Variants in SUGP1 observed in about 807,000 individuals in gnomAD.
SUGP1 encodes the protein SURP and G-patch domain containing 1.
Under a neutral mutation model 76.5 loss-of-function variants are expected in SUGP1, and 34 were observed. The observed-to-expected ratio is 0.44, with a 90% CI of 0.34 to 0.59. The LOEUF is 0.59. Among genes scored for constraint, SUGP1 ranks in the 20% least tolerant of loss-of-function variants. The probability of loss-of-function intolerance (pLI) is 0.01; values close to 1 mark genes in which losing one functional copy is unlikely to be tolerated. For synonymous variants in SUGP1, 326 were observed against 326.2 expected (o/e 1.00, Z 0.01); for missense variants, 752 against 851.7 (o/e 0.88, Z 1.46).
chr19:19,318,307 A>G (rs2061410364), intron 1 of SUGP1, among the ~76,000 whole-genome samples: 1 of 145,938 alleles, frequency 6.9e-6, no homozygotes, highest in Non-Finnish European at 1.5e-5. Flanking sequence ...TTTAGTAGAG[A>G]TGGGGCTTCA....
intron 8 of SUGP1, among the ~76,000 whole-genome samples, chr19:19,291,174 C>T (rs2061180468): frequency 6.6e-6 from 1 of 152,062 alleles, no homozygotes; most frequent in Non-Finnish European, 1.5e-5. Flanking sequence ...ATAACCTAAG[C>T]GTACACCTTA....
At chr19:19,298,212 C>CAG (rs10665929) in intron 7 of SUGP1, among the ~76,000 whole-genome samples, 63,736 of 152,012 alleles carry the variant, frequency 0.42, 14,803 homozygotes, top group African/African-American at 0.62. Flanking sequence ...CTTTGTGTTA[C>CAG]AGAGGCCGGG....
chr19:19,305,735 G>T, intron 4 of SUGP1, 114 bp downstream of exon 4: 2 of 1,064,974 alleles, frequency 1.9e-6, no homozygotes, highest in Non-Finnish European at 2.7e-6. Flanking sequence ...TCTGGTGGCT[G>T]CAACTCAGCC....
At position 19,302,342 on chromosome 19, in the gene SUGP1, C is replaced by A; in HGVS notation, c.810G>T (p.Leu270Phe). The A allele has an allele frequency of 6.2e-7, 1 of 1,614,152 alleles. No homozygotes were observed. The highest frequency in any genetic ancestry group is 8.5e-7 in the Non-Finnish European group (1 of 1,180,018). The change falls in exon 7 of 14, where the codon TTG becomes TTT. Residue 270 changes from leucine (L) to phenylalanine (F), a missense_variant. By Grantham distance (22) the Leu-to-Phe change is conservative. Coordinates refer to ENST00000247001, the MANE Select transcript of SUGP1 (RefSeq NM_172231.4). ...GACCCCCGTCCGCTATGAACCTGGCCAACTTTTCTGCAAGGTTCTTGACCT... is the reference window on the plus strand; with the variant it reads ...GACCCCCGTCCGCTATGAACCTGGCAAACTTTTCTGCAAGGTTCTTGACCT... ...DEEVKNLAEKLARFIADGGPE... is the reference protein window; with the variant it reads ...DEEVKNLAEKFARFIADGGPE...
intron 8 of SUGP1, among the ~76,000 whole-genome samples, chr19:19,282,904 C>T (rs948317164): frequency 1.1e-4 from 17 of 151,804 alleles, no homozygotes; most frequent in East Asian, 2.0e-4. Context: ...GGTGAAACCC[C>T]GTCTCTACTA....
intron 1 of SUGP1, among the ~76,000 whole-genome samples, chr19:19,318,208 C>G (rs1016069823): frequency 6.7e-6 from 1 of 149,246 alleles, no homozygotes; most frequent in African/African-American, 2.5e-5. Context: ...ATCTCCACCT[C>G]CAGAGTTCCA....
chr19:19,313,945 C>CCTGG (rs1184745384), intron 2 of SUGP1, among the ~76,000 whole-genome samples: 6 of 152,070 alleles, frequency 3.9e-5, no homozygotes, highest in Admixed American at 3.3e-4. Flanking sequence ...TAAAGACCAG[C>CCTGG]CTGGCCAACA....
rs549763712 is a variant in SUGP1, at chr19:19,297,238, G to A, written c.994C>T (p.Pro332Ser). The A allele has an allele frequency of 6.3e-7, 1 of 1,593,490 alleles. No individual in the cohort carries two copies. The highest frequency in any genetic ancestry group is 1.7e-5 in the Admixed American group (1 of 58,560). ...GGAGGGGACTTGCGCTTCAGGCCGG[G>A]ATCAGGTGCTGTGAAGCTGCCTGTG... is the stretch of plus-strand genomic sequence containing the variant. ...SSTGSFTAPD[P>S]GLKRKSPPEA... Residue 332 changes from proline to serine, a missense_variant, in exon 8 of 14, where the codon CCC (proline) becomes TCC (serine). Around this residue, in one of 2 missense-constraint regions of SUGP1, gnomAD observed 620 missense variants for 617.3 expected, o/e 1.00. Coordinates refer to ENST00000247001, the MANE Select transcript of SUGP1 (RefSeq NM_172231.4).
At chr19:19,306,336 G>C (rs117109209) in intron 3 of SUGP1, among the ~76,000 whole-genome samples, 2,107 of 152,312 alleles carry the variant, frequency 0.014, 18 homozygotes, top group Non-Finnish European at 0.021. Flanking sequence ...TCTCGGTCGC[G>C]CTGCACCCAC....
intron 3 of SUGP1, among the ~76,000 whole-genome samples, chr19:19,309,018 C>T (rs1238425599): frequency 6.6e-6 from 1 of 152,152 alleles, no homozygotes; most frequent in Admixed American, 6.5e-5. Context: ...AGGCGCCTGC[C>T]ACCACGCCCG....
chr19:19,300,459 G>A (rs115132854), intron 7 of SUGP1, among the ~76,000 whole-genome samples: 1,541 of 152,352 alleles, frequency 0.01, 32 homozygotes, highest in African/African-American at 0.035. Context: ...GCGTGACAGG[G>A]AAGGGCCAGG....
At chr19:19,314,989 G>A (rs553371925) in intron 2 of SUGP1, among the ~76,000 whole-genome samples, 1 of 151,678 alleles carries the variant, frequency 6.6e-6, no homozygotes, top group Non-Finnish European at 1.5e-5. Flanking sequence ...AGCTGAGATC[G>A]TGCCACTGCA....
At chr19:19,300,203 G>A (rs761579550) in intron 7 of SUGP1, among the ~76,000 whole-genome samples, 1 of 152,068 alleles carries the variant, frequency 6.6e-6, no homozygotes, top group Non-Finnish European at 1.5e-5. Flanking sequence ...AGCCTCCCAA[G>A]TAGCTGGGAT....
chr19:19,276,483 G>T lies in SUGP1; in HGVS notation c.*165C>A, dbSNP rs909761884. 2 of 772,890 alleles carry T rather than the reference G, an allele frequency of 2.6e-6. No homozygotes were observed. Among genetic ancestry groups the T allele is most frequent in the African/African-American group, 1.7e-5 (1 of 57,930 alleles). 47.9% of individuals were successfully genotyped at this position (772,890 alleles called of 1,614,324 possible). A position where few individuals can be genotyped will look rare whatever the true frequency, so the allele number is the denominator to read the frequency against. On this transcript the variant is annotated 3_prime_UTR_variant, in exon 14 of 14. Transcript: ENST00000247001. The stretch of plus-strand genomic sequence containing the variant: ...ATCTTGCATCCCGCTGCTAACAGGA[G>T]GGGCTTCCTGCAACAGGACCAGGCA...
At chr19:19,281,257 G>C (rs954841425) in intron 8 of SUGP1, 1 of 152,172 alleles carries the variant, frequency 6.6e-6, no homozygotes, top group Non-Finnish European at 1.5e-5. Context: ...ACTTGAACCT[G>C]GGCCTCAGAC....
intron 3 of SUGP1, among the ~76,000 whole-genome samples, chr19:19,307,785 C>A (rs1205495201): frequency 6.6e-6 from 1 of 152,124 alleles, no homozygotes; most frequent in African/African-American, 2.4e-5. Context: ...CCACCTCAGC[C>A]TCCCAAGTAG....
At chr19:19,278,288 C>A (rs753442609) in intron 11 of SUGP1, among the ~76,000 whole-genome samples, 16 of 152,180 alleles carry the variant, frequency 1.1e-4, no homozygotes, top group African/African-American at 2.4e-5. Flanking sequence ...TATAAAAAAA[C>A]CTCAAAAAGA....
In SUGP1 at chr19:19,297,291, T is replaced by C. The variant is rs761192202; in HGVS notation, c.941A>G (p.Glu314Gly). Residue 314 changes from glutamate (E) to glycine (G), a missense_variant, in exon 8 of 14, where the codon GAG becomes GGG. By Grantham distance (98) the Glu-to-Gly change is moderately conservative. Around this residue, in one of 2 missense-constraint regions of SUGP1, gnomAD observed 620 missense variants for 617.3 expected, o/e 1.00. Coordinates refer to ENST00000247001, the MANE Select transcript of SUGP1 (RefSeq NM_172231.4). Reference sequence around the variant, plus strand: ...GCTGGCCTTGGCTTTCCGGAACTCCTCCAGCTTCTGTCGGTAGTACTTGTA... The same window carrying C: ...GCTGGCCTTGGCTTTCCGGAACTCCCCCAGCTTCTGTCGGTAGTACTTGTA... ...QGYKYYRQKL[E>G]EFRKAKASST... 45 of 1,547,264 alleles carry C rather than the reference T, an allele frequency of 2.9e-5. No individual in the cohort carries two copies.
intron 8 of SUGP1, among the ~76,000 whole-genome samples, chr19:19,294,669 T>C (rs1316573324): frequency 6.6e-6 from 1 of 150,894 alleles, no homozygotes; most frequent in African/African-American, 2.4e-5. Context: ...GAAGAAAAAA[T>C]AGATACATTT....
Sources: allele counts gnomAD v4.1 joint callset (sites outside exome capture counted in the v4.1 genomes callset), GRCh38; gene constraint gnomAD v4.1.1; regional missense constraint gnomAD v4.1.1; transcripts MANE v1.5; gene names NCBI Gene and HGNC (gene_info 2026-07-23, HGNC 2026-07-21).